The following CDC14B variants were observed in gnomAD, a reference collection of about 807,000 sequenced individuals.
CDC14B encodes dual specificity protein phosphatase CDC14B.
A neutral mutation model predicts 64.2 loss-of-function variants in CDC14B; 22 were observed. That is an observed-to-expected ratio of 0.34 (90% confidence interval 0.24 to 0.49). CDC14B has a LOEUF of 0.49. Among genes scored for constraint, CDC14B ranks in the 20% least tolerant of loss-of-function variants. CDC14B has a pLI of 0.99. For missense variants in CDC14B, 498 were observed against 629.9 expected (o/e 0.79, Z 2.24); for synonymous variants, 191 against 215.8 (o/e 0.89, Z 1.01).
intron 9 of CDC14B, among the ~76,000 whole-genome samples, chr9:96,527,249 A>G (rs1222102003): frequency 6.6e-6 from 1 of 151,890 alleles, no homozygotes; most frequent in African/African-American, 2.4e-5. Context: ...AATACAAAAA[A>G]TTAGCCGGGC....
chr9:96,551,282 A>G (rs1034773839), intron 5 of CDC14B, among the ~76,000 whole-genome samples: 5 of 151,644 alleles, frequency 3.3e-5, no homozygotes, highest in African/African-American at 4.8e-5. Flanking sequence ...ACGCCTGGCT[A>G]ATTTTTTTTA....
At chr9:96,507,950 CAT>C (rs1834383971) in intron 13 of CDC14B, among the ~76,000 whole-genome samples, 1 of 152,032 alleles carries the variant, frequency 6.6e-6, no homozygotes, top group Non-Finnish European at 1.5e-5. Flanking sequence ...AATATTTATA[CAT>C]CTCTATATTT....
intron 4 of CDC14B, among the ~76,000 whole-genome samples, chr9:96,561,741 C>G (rs960862477): frequency 1.3e-5 from 2 of 152,084 alleles, no homozygotes; most frequent in African/African-American, 2.4e-5. Flanking sequence ...CCCGCCTCAG[C>G]CTCCCAAAGT....
chr9:96,541,982 T>G, intron 5 of CDC14B, 90 bp from the exon 6 acceptor site: 1 of 820,344 alleles, frequency 1.2e-6, no homozygotes, highest in Non-Finnish European at 2.0e-6. Context: ...TAAAATCAAA[T>G]GTACACTCTG....
At chr9:96,558,411 C>T (rs1374194016) in intron 4 of CDC14B, among the ~76,000 whole-genome samples, 1 of 152,122 alleles carries the variant, frequency 6.6e-6, no homozygotes, top group Non-Finnish European at 1.5e-5. Context: ...ACATGTAACC[C>T]ATAAATATGT....
chr9:96,504,798 C>T (rs111630654), intron 13 of CDC14B, among the ~76,000 whole-genome samples: 1,996 of 152,202 alleles, frequency 0.013, 36 homozygotes, highest in African/African-American at 0.045. Flanking sequence ...AGCAAAGCCA[C>T]CCGAGAACAC....
At chr9:96,619,084 G>A (rs1024820756) in intron 1 of CDC14B, 135 bp downstream of exon 1, 7 of 588,676 alleles carry the variant, frequency 1.2e-5, no homozygotes, top group Non-Finnish European at 1.5e-5. Context: ...TGGCGGCCGG[G>A]GCGTTTAAGG....
intron 1 of CDC14B, among the ~76,000 whole-genome samples, chr9:96,569,153 C>T (rs1161637749): frequency 6.6e-6 from 1 of 152,094 alleles, no homozygotes; most frequent in African/African-American, 2.4e-5. Context: ...TTGCATTGTA[C>T]GATGTATTAC....
rs1011516654 is a variant in CDC14B, at chr9:96,548,567, A to T, written c.497+3229T>A. Among the ~76,000 whole-genome samples the T allele has an allele frequency of 2.0e-5, 3 of 152,166 alleles. No homozygotes were observed. The East Asian group carries it at 5.8e-4, about 29-fold the overall frequency. ...CACAGTGGCTCACCCCTGTAATCCC[A>T]GCACTTTGGGAGGCCAAGGTAGGCG... On this transcript the variant is annotated intron_variant, in intron 5 of 13. Coordinates refer to ENST00000375241, the MANE Select transcript of CDC14B (RefSeq NM_033331.4).
chr9:96,507,306 C>T (rs1192345559), intron 13 of CDC14B, among the ~76,000 whole-genome samples: 21 of 62,604 alleles, frequency 3.4e-4, no homozygotes, highest in African/African-American at 1.4e-3. Flanking sequence ...AACTCCATGT[C>T]AAAGGAAAAA....
At chr9:96,618,578 C>T (rs1411280451) in intron 1 of CDC14B, 1 of 533,262 alleles carries the variant, frequency 1.9e-6, no homozygotes, top group Non-Finnish European at 3.8e-6. Context: ...CAACGTGACA[C>T]CTTCCTTCTC....
At chr9:96,612,544 G>A (rs1214902679) in intron 1 of CDC14B, among the ~76,000 whole-genome samples, 1 of 152,230 alleles carries the variant, frequency 6.6e-6, no homozygotes, top group Non-Finnish European at 1.5e-5. Flanking sequence ...ACCCTGGGAT[G>A]GGGCAGAGAC....
chr9:96,561,484 G>A (rs1843171092), intron 4 of CDC14B, among the ~76,000 whole-genome samples: 1 of 151,558 alleles, frequency 6.6e-6, no homozygotes, highest in Non-Finnish European at 1.5e-5. Context: ...AAACAACCCT[G>A]TTTTTCTTTT....
chr9:96,582,888 G>C (rs1213238478), intron 1 of CDC14B, among the ~76,000 whole-genome samples: 2 of 152,058 alleles, frequency 1.3e-5, no homozygotes, highest in African/African-American at 4.8e-5. Context: ...TTTATATAAT[G>C]GGCCTGGGTT....
chr9:96,604,182 C>A (rs1291285477), intron 1 of CDC14B, among the ~76,000 whole-genome samples: 3 of 151,934 alleles, frequency 2.0e-5, no homozygotes, highest in African/African-American at 4.8e-5. Flanking sequence ...CTGTCACTGG[C>A]CATAATTCTA....
intron 9 of CDC14B, among the ~76,000 whole-genome samples, chr9:96,528,932 C>T (rs1838002753): frequency 6.6e-6 from 1 of 152,196 alleles, no homozygotes; most frequent in Non-Finnish European, 1.5e-5. Context: ...AAGTCCTCTT[C>T]CCATTTATGA....
intron 5 of CDC14B, among the ~76,000 whole-genome samples, chr9:96,544,832 T>A (rs904676707): frequency 6.6e-6 from 1 of 152,160 alleles, no homozygotes; most frequent in African/African-American, 2.4e-5. Flanking sequence ...TTTTGTTCTG[T>A]AAGGTTCTGA....
intron 5 of CDC14B, among the ~76,000 whole-genome samples, chr9:96,542,117 T>C (rs1840142609): frequency 6.6e-6 from 1 of 152,238 alleles, no homozygotes. Flanking sequence ...GGATCAATAA[T>C]GACCACTTCC....
chr9:96,511,890 C>T (rs1834951120), intron 12 of CDC14B, among the ~76,000 whole-genome samples: 1 of 152,056 alleles, frequency 6.6e-6, no homozygotes, highest in Non-Finnish European at 1.5e-5. Flanking sequence ...GCCAAAATTT[C>T]GAGACCAGCC....
Sources: gnomAD v4.1 joint callset for allele counts (sites outside exome capture counted in the v4.1 genomes callset) on GRCh38, gnomAD v4.1.1 for gene constraint, MANE v1.5 for transcripts, NCBI Gene and HGNC (gene_info 2026-07-23, HGNC 2026-07-21) for gene names.